Variants in ACSF3 observed in about 807,000 individuals in gnomAD.
ACSF3 encodes the protein acyl-CoA synthetase family member 3, also known as malonate--CoA ligase ACSF3, mitochondrial.
A neutral mutation model predicts 53.2 loss-of-function variants in ACSF3; 78 were observed. The observed-to-expected ratio is 1.47, with a 90% CI of 1.22 to 1.77. The LOEUF is 1.77. Among genes scored for constraint, ACSF3 ranks in the 40% most tolerant of loss-of-function variants. ACSF3 has a pLI of 0.00. For missense variants in ACSF3, 937 were observed against 771.1 expected (o/e 1.22, Z -2.55); for synonymous variants, 414 against 333.1 (o/e 1.24, Z -2.65).
intron 7 of ACSF3, among the ~76,000 whole-genome samples, chr16:89,130,321 C>G (rs117939309): frequency 0.038 from 5,717 of 152,184 alleles, 192 homozygotes; most frequent in East Asian, 0.13. Flanking sequence ...CCTATAGTCC[C>G]AGCACTTTGG....
At chr16:89,135,395 G>A (rs1028595242) in intron 8 of ACSF3, among the ~76,000 whole-genome samples, 2 of 152,224 alleles carry the variant, frequency 1.3e-5, no homozygotes, top group African/African-American at 2.4e-5. Flanking sequence ...TAGGTGTGTG[G>A]CAGTTCCGCA....
chr16:89,105,614 C>T (rs1000818027), intron 4 of ACSF3, among the ~76,000 whole-genome samples: 1 of 152,220 alleles, frequency 6.6e-6, no homozygotes, highest in Non-Finnish European at 1.5e-5. Context: ...ACTGGGCCCC[C>T]TCAACCTGCC....
At chr16:89,131,624 T>C (rs1909343287) in intron 7 of ACSF3, among the ~76,000 whole-genome samples, 1 of 152,236 alleles carries the variant, frequency 6.6e-6, no homozygotes, top group Admixed American at 6.5e-5. Flanking sequence ...TTTGTTTTAC[T>C]GTGACTTGGT....
chr16:89,120,509 C>T (rs1234108306), intron 6 of ACSF3, among the ~76,000 whole-genome samples: 1 of 152,230 alleles, frequency 6.6e-6, no homozygotes, highest in Admixed American at 6.5e-5. Flanking sequence ...ATGAGGGGCC[C>T]AGGGCAGGCC....
chr16:89,101,791 T>C (rs1975376308), intron 3 of ACSF3, among the ~76,000 whole-genome samples: 1 of 152,224 alleles, frequency 6.6e-6, no homozygotes, highest in Non-Finnish European at 1.5e-5. Flanking sequence ...CTGGCATTTG[T>C]ACAGTGTCAT....
In ACSF3 at chr16:89,122,568, G is replaced by A. The variant is rs527467570; in HGVS notation, c.1239+1655G>A. ...TCCCAGCTCAGCCAGTTCCAACCCT[G>A]TCTGCAGGGACGGGGCTCAGCCTGT... is the stretch of plus-strand genomic sequence containing the variant. On this transcript the variant is annotated intron_variant, in intron 7 of 10. Coordinates refer to ENST00000614302, the MANE Select transcript of ACSF3 (RefSeq NM_001243279.3). 2.1e-5 allele frequency: 6 copies of A among 288,010 alleles called. No individual in the cohort carries two copies. In the Admixed American group the frequency reaches 2.4e-4, roughly 12 times the overall value. The allele number at this position is 288,010 out of a possible 1,614,324, so 17.8% of individuals were successfully genotyped here.
intron 7 of ACSF3, 135 bp downstream of exon 7, chr16:89,121,048 G>A: frequency 1.3e-6 from 1 of 754,642 alleles, no homozygotes; most frequent in Non-Finnish European, 2.2e-6. Flanking sequence ...GACACTGCAG[G>A]TGCTGGCTGG....
chr16:89,134,390 G>A (rs113237686), intron 8 of ACSF3, among the ~76,000 whole-genome samples: 1 of 152,194 alleles, frequency 6.6e-6, no homozygotes, highest in East Asian at 1.9e-4. Context: ...GAACAATGGC[G>A]AGCCTTTAGG....
At chr16:89,111,200 C>G (rs1976633407) in intron 4 of ACSF3, among the ~76,000 whole-genome samples, 1 of 152,236 alleles carries the variant, frequency 6.6e-6, no homozygotes, top group South Asian at 2.1e-4. Context: ...GGGATCACAT[C>G]TTTGTGTCCT....
intron 7 of ACSF3, chr16:89,122,452 C>T (rs1345885928): frequency 1.1e-5 from 5 of 444,336 alleles, no homozygotes; most frequent in Non-Finnish European, 1.8e-5. Flanking sequence ...GGCTGCTGGC[C>T]ACACCCCACA....
Position 89,154,421 on chromosome 16 carries a change from A to C in ACSF3, c.*214A>C, listed in dbSNP as rs987191921. On this transcript the variant is annotated 3_prime_UTR_variant, in exon 11 of 11. Coordinates refer to ENST00000614302, the MANE Select transcript of ACSF3 (RefSeq NM_001243279.3). The stretch of plus-strand genomic sequence containing the variant: ...GCTCAAGGAGACCGTCCCTGGTGTC[A>C]CCTCTGCCTGGTCACCGCCGACCTC... 4 of 672,980 alleles carry C rather than the reference A, an allele frequency of 5.9e-6. No individual in the cohort carries two copies. The highest frequency in any genetic ancestry group is 1.1e-5 in the Non-Finnish European group (4 of 368,764). The allele number at this position is 672,980 out of a possible 1,614,324, so 41.7% of individuals were successfully genotyped here.
chr16:89,120,789 C>T lies in ACSF3; in HGVS notation c.1127-12C>T, dbSNP rs377318017. The T allele has an allele frequency of 3.7e-6, 6 of 1,612,602 alleles. No individual in the cohort carries two copies. In the African/African-American group the frequency reaches 5.3e-5, roughly 14 times the overall value. ...CTCCAGCCTCCCCTTCAGTGTTTCT[C>T]CTCTCCTGTAGGTTCCGTGGGGACC... On this transcript the variant is annotated splice_polypyrimidine_tract_variant and intron_variant, in intron 6 of 10. Coordinates refer to ENST00000614302, the MANE Select transcript of ACSF3 (RefSeq NM_001243279.3).
At chr16:89,150,915 G>A (rs1260154753) in intron 10 of ACSF3, 12 of 1,125,904 alleles carry the variant, frequency 1.1e-5, no homozygotes, top group Non-Finnish European at 1.4e-5. Context: ...GAGGAAGTAA[G>A]TTAGAGGATT....
At chr16:89,094,783 T>A (rs1005875874) in intron 1 of ACSF3, among the ~76,000 whole-genome samples, 2 of 152,188 alleles carry the variant, frequency 1.3e-5, no homozygotes, top group African/African-American at 2.4e-5. Context: ...CACTTCCAGC[T>A]ACTGGTTAGG....
At chr16:89,133,396 G>C in intron 8 of ACSF3, 134 bp downstream of exon 8, 1 of 1,251,980 alleles carries the variant, frequency 8.0e-7, no homozygotes, top group Middle Eastern at 2.6e-4. Context: ...GGGTGGAGTG[G>C]GGCTGGGGGC....
At chr16:89,133,349 G>A (rs1247993849) in intron 8 of ACSF3, 87 bp downstream of exon 8, 2 of 1,576,272 alleles carry the variant, frequency 1.3e-6, no homozygotes, top group South Asian at 1.1e-5. Context: ...CACCGAGGCT[G>A]GGAGTTCCCA....
At chr16:89,141,022 A>G (rs1911645133) in intron 8 of ACSF3, 5 of 1,232,250 alleles carry the variant, frequency 4.1e-6, no homozygotes, top group Non-Finnish European at 5.2e-6. Context: ...ATAGGTTGTT[A>G]TGGAAAGTAA....
At chr16:89,114,253 C>A in intron 5 of ACSF3, 86 bp from the exon 6 acceptor site, 1 of 1,587,840 alleles carries the variant, frequency 6.3e-7, no homozygotes, top group East Asian at 2.2e-5. Flanking sequence ...AAGCAAGGGC[C>A]GCCTCCTGAG....
rs1448447639 is a variant in ACSF3 at position 89,154,778 on chromosome 16, G to T, written c.*571G>T. 2 of 454,134 alleles carry T rather than the reference G, an allele frequency of 4.4e-6. No homozygotes were observed. The highest frequency in any genetic ancestry group is 1.6e-5 in the South Asian group (1 of 64,480). 28.1% of individuals were successfully genotyped at this position (454,134 alleles called of 1,614,324 possible). On this transcript the variant is annotated 3_prime_UTR_variant, in exon 11 of 11. Coordinates refer to ENST00000614302, the MANE Select transcript of ACSF3 (RefSeq NM_001243279.3). ...CTGGTGCTGCTCTTGGAGGAGAGCAGCTCCCACTGTGGGGACACCTGCCAC... is the reference window on the plus strand; with the variant it reads ...CTGGTGCTGCTCTTGGAGGAGAGCATCTCCCACTGTGGGGACACCTGCCAC...
Sources: gnomAD v4.1 joint callset for allele counts (sites outside exome capture counted in the v4.1 genomes callset) on GRCh38, gnomAD v4.1.1 for gene constraint, MANE v1.5 for transcripts, NCBI Gene and HGNC (gene_info 2026-07-23, HGNC 2026-07-21) for gene names.